The following HDAC4 variants were observed in gnomAD, a reference collection of about 807,000 sequenced individuals.
HDAC4 encodes histone deacetylase 4, also known as histone deacetylase A.
In HDAC4, 16 loss-of-function variants were observed where a neutral mutation model predicts 135.1. The ratio of observed to expected loss-of-function variants is 0.12; its 90% CI spans 0.08 to 0.18. HDAC4 has a LOEUF of 0.18. Ranked by LOEUF, HDAC4 falls within the 10% of genes least tolerant of loss-of-function variation. The pLI, the probability that HDAC4 is intolerant of heterozygous loss-of-function variation, is 1.00. For synonymous variants in HDAC4, 685 were observed against 653.4 expected (o/e 1.05, Z -0.74); for missense variants, 1,143 against 1,511.8 (o/e 0.76, Z 4.05).
chr2:239,334,934 A>C (rs1019172045), intron 2 of HDAC4, among the ~76,000 whole-genome samples: 4 of 149,908 alleles, frequency 2.7e-5, no homozygotes, highest in African/African-American at 9.8e-5. Context: ...CTAAGGCAGG[A>C]GAATGGCGTG....
chr2:239,368,668 CT>C (rs776165632), intron 1 of HDAC4, among the ~76,000 whole-genome samples: 32 of 152,130 alleles, frequency 2.1e-4, no homozygotes, highest in Non-Finnish European at 4.3e-4. Context: ...CTCTCCATGC[CT>C]GTCTCAAGCT....
chr2:239,328,765 G>T (rs920989869), intron 2 of HDAC4, among the ~76,000 whole-genome samples: 1 of 152,200 alleles, frequency 6.6e-6, no homozygotes, highest in African/African-American at 2.4e-5. Context: ...GGCGCCCGCT[G>T]GCCCTCTTTA....
chr2:239,387,218 A>T (rs1399545460), intron 1 of HDAC4, among the ~76,000 whole-genome samples: 1 of 152,224 alleles, frequency 6.6e-6, no homozygotes. Flanking sequence ...GGGACTGCTC[A>T]CAAGTGGCCT....
At chr2:239,295,399 G>T (rs1289271056) in intron 2 of HDAC4, among the ~76,000 whole-genome samples, 1 of 151,242 alleles carries the variant, frequency 6.6e-6, no homozygotes, top group African/African-American at 2.4e-5. Flanking sequence ...CCAAAAGCTG[G>T]TTACATAAAA....
intron 3 of HDAC4, among the ~76,000 whole-genome samples, chr2:239,222,806 G>A (rs898652305): frequency 3.3e-5 from 5 of 152,060 alleles, no homozygotes; most frequent in Non-Finnish European, 7.4e-5. Flanking sequence ...ATCTCCTTTC[G>A]TCCTCACAGC....
chr2:239,340,930 A>G (rs1306791462), intron 2 of HDAC4, among the ~76,000 whole-genome samples: 1 of 152,144 alleles, frequency 6.6e-6, no homozygotes, highest in Non-Finnish European at 1.5e-5. Flanking sequence ...AACTGGGCTC[A>G]CTGCAGCACC....
At chr2:239,305,860 C>A (rs1048298540) in intron 2 of HDAC4, among the ~76,000 whole-genome samples, 7 of 152,224 alleles carry the variant, frequency 4.6e-5, no homozygotes, top group African/African-American at 1.7e-4. Context: ...ATTCCCTAAA[C>A]ACGACTGGGA....
intron 2 of HDAC4, among the ~76,000 whole-genome samples, chr2:239,335,015 A>C (rs1160396530): frequency 9.8e-6 from 1 of 102,320 alleles, no homozygotes; most frequent in East Asian, 2.9e-4. Context: ...ACAGAGCAAG[A>C]CTCCATCTCA....
intron 5 of HDAC4, among the ~76,000 whole-genome samples, chr2:239,175,206 G>A (rs1289910375): frequency 6.6e-6 from 1 of 152,224 alleles, no homozygotes; most frequent in Non-Finnish European, 1.5e-5. Context: ...GATCCTGACT[G>A]TCTGTGTCAC....
chr2:239,212,002 A>G lies in HDAC4; in HGVS notation c.95-21925T>C, dbSNP rs372162720. 4.6e-5 allele frequency among the ~76,000 whole-genome samples: 7 copies of G among 152,246 alleles called. 1 individual carries two copies. Among genetic ancestry groups the G allele is most frequent in the Admixed American group, 4.6e-4 (7 of 15,290 alleles). On this transcript the variant is annotated intron_variant, in intron 3 of 26. Coordinates refer to ENST00000543185, the MANE Select transcript of HDAC4 (RefSeq NM_001378414.1). ...TAGCTGACTATTTCATCAAAAGCACAGGGTCACTTTTTAGAAAACATCCCT... is the reference window on the plus strand; with the variant it reads ...TAGCTGACTATTTCATCAAAAGCACGGGGTCACTTTTTAGAAAACATCCCT...
At chr2:239,182,261 T>C (rs1250370594) in intron 4 of HDAC4, among the ~76,000 whole-genome samples, 4 of 152,212 alleles carry the variant, frequency 2.6e-5, no homozygotes, top group Non-Finnish European at 2.9e-5. Flanking sequence ...CTCCTCGTCA[T>C]GGCGAGCCCC....
At position 239,115,353 on chromosome 2, in the gene HDAC4, C is replaced by T. The variant is rs771622434; in HGVS notation, c.1534-43G>A. On this transcript the variant is annotated intron_variant, in intron 12 of 26. Transcript: ENST00000543185. The surrounding 1 kb of genome is among the most constrained non-coding windows in gnomAD (Gnocchi z 6.3). The stretch of plus-strand genomic sequence containing the variant: ...CACATGAAGCACAGAGAGCTGGGTC[C>T]TCTGAGCTCATCTGACAGGAGAAGG... The T allele has an allele frequency of 3.1e-6, 5 of 1,610,354 alleles. No homozygotes were observed. The highest frequency in any genetic ancestry group is 2.7e-5 in the African/African-American group (2 of 74,874).
intron 2 of HDAC4, among the ~76,000 whole-genome samples, chr2:239,267,521 G>A (rs1002176050): frequency 3.9e-5 from 6 of 152,242 alleles, no homozygotes; most frequent in African/African-American, 1.4e-4. Context: ...AACTGTTCCC[G>A]GAAGGGCTTG....
chr2:239,277,519 C>A lies in HDAC4; in HGVS notation c.23-40855G>T, dbSNP rs199668141. On this transcript the variant is annotated intron_variant, in intron 2 of 26. Coordinates refer to ENST00000543185, the MANE Select transcript of HDAC4 (RefSeq NM_001378414.1). ...TGCCAGTCACGCCATGGTGGCCCAT[C>A]GCTGATCATCACACGTTCTGTACTC... Among the ~76,000 whole-genome samples, 31 of 152,304 alleles carry A rather than the reference C, an allele frequency of 2.0e-4. 1 individual carries two copies. In the East Asian group the frequency reaches 4.4e-3, roughly 22 times the overall value.
intron 20 of HDAC4, among the ~76,000 whole-genome samples, chr2:239,083,148 T>A (rs574321820): frequency 6.6e-6 from 1 of 152,352 alleles, no homozygotes; most frequent in East Asian, 1.9e-4. Flanking sequence ...CCGCATGGTG[T>A]GTACATGGGC....
intron 2 of HDAC4, among the ~76,000 whole-genome samples, chr2:239,237,498 G>A (rs2047949138): frequency 6.6e-6 from 1 of 151,430 alleles, no homozygotes; most frequent in African/African-American, 2.4e-5. Flanking sequence ...GAGAGCACCA[G>A]TTTCGCAGGG....
At chr2:239,239,926 A>G (rs1286742501) in intron 2 of HDAC4, among the ~76,000 whole-genome samples, 2 of 152,246 alleles carry the variant, frequency 1.3e-5, no homozygotes. Context: ...TCAGTGCCGG[A>G]CGCTAACCCC....
At chr2:239,252,805 C>A (rs2048854685) in intron 2 of HDAC4, among the ~76,000 whole-genome samples, 1 of 152,220 alleles carries the variant, frequency 6.6e-6, no homozygotes, top group Non-Finnish European at 1.5e-5. Flanking sequence ...AATCCCTTAT[C>A]TTCTGTTTAA....
intron 2 of HDAC4, among the ~76,000 whole-genome samples, chr2:239,267,669 G>A (rs1343306402): frequency 6.6e-6 from 1 of 152,272 alleles, no homozygotes; most frequent in Non-Finnish European, 1.5e-5. Context: ...GAAGAGGCCT[G>A]TGCCAGGGGC....
Sources: allele counts gnomAD v4.1 joint callset (sites outside exome capture counted in the v4.1 genomes callset), GRCh38; gene constraint gnomAD v4.1.1; non-coding constraint Gnocchi (gnomAD v3.1); transcripts MANE v1.5; gene names NCBI Gene and HGNC (gene_info 2026-07-23, HGNC 2026-07-21).